Variants in CERS4 observed in about 807,000 individuals in gnomAD.
CERS4 encodes ceramide synthase 4, also known as LAG1 homolog, ceramide synthase 4.
CERS4 carries 65 observed loss-of-function variants against 51.8 expected under a neutral mutation model. The ratio of observed to expected loss-of-function variants is 1.26; its 90% CI spans 1.03 to 1.54. The LOEUF (loss-of-function observed/expected upper bound fraction) is 1.54. Ranked by LOEUF, CERS4 falls within the 40% of genes most tolerant of loss-of-function variation. The probability of loss-of-function intolerance (pLI) is 0.00; values close to 1 mark genes in which losing one functional copy is unlikely to be tolerated. For missense variants in CERS4, 563 were observed against 500.4 expected, an observed-to-expected ratio of 1.13 and a Z score of -1.19; for synonymous variants, 228 against 208.4, an observed-to-expected ratio of 1.09 and a Z score of -0.81.
In CERS4 at chr19:8,210,580, G is replaced by C. The variant is rs1402119427; in HGVS notation, c.-158-126G>C. 6.6e-6 allele frequency: 1 copy of C among 152,064 alleles called. No individual in the cohort carries two copies. The highest frequency in any genetic ancestry group is 1.5e-5 in the Non-Finnish European group (1 of 68,124). The allele number at this position is 152,064 out of a possible 1,614,324, so 9.4% of individuals were successfully genotyped here. ...CTCAGGCAAGGTCTCAGGCATCTGA[G>C]CGCAGAGGCCAGGGTGACCCCACTG... On this transcript the variant is annotated intron_variant, in intron 1 of 11. Coordinates refer to ENST00000251363, the MANE Select transcript of CERS4 (RefSeq NM_024552.3). This position sits in a 1 kb window ranked among gnomAD's most constrained non-coding sequence, Gnocchi z 4.2.
chr19:8,231,851 A>ATTTTTTTTTTTTTTTTTTTTT (rs3042169), intron 2 of CERS4, among the ~76,000 whole-genome samples: 14 of 104,402 alleles, frequency 1.3e-4, no homozygotes, highest in African/African-American at 2.9e-4. Context: ...TGTGCCCAGC[A>ATTTTTTTTTTTTTTTTTTTTT]TTTTTTTTTT....
chr19:8,252,716 G>C (rs1268560983), intron 3 of CERS4, among the ~76,000 whole-genome samples: 1 of 152,178 alleles, frequency 6.6e-6, no homozygotes, highest in Non-Finnish European at 1.5e-5. Flanking sequence ...TGGGATTACA[G>C]GCAAGTGACA....
At chr19:8,229,402 TTCTTCTTTCTTCTTTTTTC>T (rs1397593807) in intron 2 of CERS4, among the ~76,000 whole-genome samples, 1 of 97,124 alleles carries the variant, frequency 1.0e-5, no homozygotes, top group Non-Finnish European at 2.0e-5. Flanking sequence ...TTTTTTCTTC[TTCTTCTTTCTTCTTTTTTC>T]TTCTTCTTCT....
intron 2 of CERS4, among the ~76,000 whole-genome samples, chr19:8,232,515 C>A (rs749440864): frequency 6.6e-6 from 1 of 151,908 alleles, no homozygotes; most frequent in Non-Finnish European, 1.5e-5. Context: ...TGATCTCGAA[C>A]TCCCGACCTC....
chr19:8,211,018 C>T (rs745102), intron 2 of CERS4, among the ~76,000 whole-genome samples, 156 bp downstream of exon 2: 3,231 of 151,596 alleles, frequency 0.021, 147 homozygotes, highest in African/African-American at 0.075. Context: ...CGATGAAAGC[C>T]GAGGCTAGGC....
At chr19:8,215,720 G>A (rs969638574) in intron 2 of CERS4, among the ~76,000 whole-genome samples, 4 of 152,052 alleles carry the variant, frequency 2.6e-5, no homozygotes, top group Non-Finnish European at 4.4e-5. Flanking sequence ...ACTGTGACCC[G>A]GACTGTCCCC....
rs575993177 is a variant in CERS4, at chr19:8,217,758, C to T, written c.-2+6896C>T. On this transcript the variant is annotated intron_variant, in intron 2 of 11. Transcript: ENST00000251363. Reference sequence around the variant, plus strand: ...TTCACCCTGTTAGCCAGGATGGTCTCGATCTCCTGACCTCGTGATCCGCCC... The same window carrying T: ...TTCACCCTGTTAGCCAGGATGGTCTTGATCTCCTGACCTCGTGATCCGCCC... Among the ~76,000 whole-genome samples, 245 of 152,144 alleles carry T rather than the reference C, an allele frequency of 1.6e-3. 1 individual carries two copies. Among genetic ancestry groups the T allele is most frequent in the African/African-American group, 5.7e-3 (237 of 41,534 alleles).
chr19:8,260,483 G>A (rs1372905154), intron 10 of CERS4, among the ~76,000 whole-genome samples: 2 of 150,166 alleles, frequency 1.3e-5, no homozygotes, highest in African/African-American at 4.9e-5. Flanking sequence ...TGGGATTACA[G>A]GCGTGAGCCA....
At chr19:8,258,664 G>A (rs1429786876) in intron 10 of CERS4, among the ~76,000 whole-genome samples, 1 of 152,066 alleles carries the variant, frequency 6.6e-6, no homozygotes, top group South Asian at 2.1e-4. Context: ...CCAACATGGT[G>A]AAACCTTGTC....
chr19:8,228,751 T>C (rs1691315119), intron 2 of CERS4, among the ~76,000 whole-genome samples: 1 of 151,368 alleles, frequency 6.6e-6, no homozygotes, highest in South Asian at 2.1e-4. Flanking sequence ...AGGCCGATCA[T>C]GGTGGCTCAT....
At chr19:8,233,215 G>C (rs1968092962) in intron 2 of CERS4, among the ~76,000 whole-genome samples, 1 of 151,878 alleles carries the variant, frequency 6.6e-6, no homozygotes, top group South Asian at 2.1e-4. Context: ...ACCCAGGCTG[G>C]AGTGCAGTGC....
intron 2 of CERS4, among the ~76,000 whole-genome samples, chr19:8,222,982 G>A (rs1023076059): frequency 6.6e-6 from 1 of 152,122 alleles, no homozygotes; most frequent in African/African-American, 2.4e-5. Flanking sequence ...CCTGCTACCC[G>A]TTGTGTGTCA....
At chr19:8,233,195 T>G (rs1006299981) in intron 2 of CERS4, among the ~76,000 whole-genome samples, 1 of 151,932 alleles carries the variant, frequency 6.6e-6, no homozygotes, top group Admixed American at 6.6e-5. Context: ...GGGCGGAGTC[T>G]TGCTCTGTCA....
At position 8,256,964 on chromosome 19, in the gene CERS4, G is replaced by A. The variant is rs1038894051; in HGVS notation, c.628G>A (p.Val210Met). The change falls in exon 9 of 12, where the codon GTG becomes ATG. Residue 210 changes from valine to methionine, a missense_variant. Val to Met is a conservative substitution (Grantham distance 21). Coordinates refer to ENST00000251363, the MANE Select transcript of CERS4 (RefSeq NM_024552.3). ...TCTACTGCAGGATTTCAAGGAGCAG[G>A]TGATACACCACTTCGTGGCGGTCAT... ...DVKRKDFKEQ[V>M]IHHFVAVILM... The A allele has an allele frequency of 5.6e-6, 9 of 1,614,062 alleles. No individual in the cohort carries two copies. The highest frequency in any genetic ancestry group is 1.3e-5 in the African/African-American group (1 of 74,938).
chr19:8,234,500 A>G (rs1352707243), intron 2 of CERS4, among the ~76,000 whole-genome samples: 1 of 147,506 alleles, frequency 6.8e-6, no homozygotes, highest in Non-Finnish European at 1.5e-5. Context: ...TACCCATTCA[A>G]TTTTAACTCC....
chr19:8,255,942 G>A, intron 6 of CERS4, 63 bp downstream of exon 6: 2 of 1,555,730 alleles, frequency 1.3e-6, no homozygotes, highest in Middle Eastern at 3.4e-4. Context: ...AGATCTGGCA[G>A]GAGTGGGGGT....
Position 8,251,250 on chromosome 19 carries a change from G to A in CERS4, c.173+1G>A, listed in dbSNP as rs746149634. On this transcript the variant is annotated splice_donor_variant, in intron 3 of 11. Coordinates refer to ENST00000251363, the MANE Select transcript of CERS4 (RefSeq NM_024552.3). LOFTEE classifies it high-confidence loss of function. ...TGGCCATGCGCCTTGCCTTTGAGAG[G>A]TGAGTGTCTGCCCTGCCGCAATCCA... 6.3e-7 allele frequency: 1 copy of A among 1,596,170 alleles called. No individual in the cohort carries two copies. The highest frequency in any genetic ancestry group is 2.3e-5 in the East Asian group (1 of 44,390).
At chr19:8,253,872 G>A (rs961126165) in intron 3 of CERS4, among the ~76,000 whole-genome samples, 3 of 152,036 alleles carry the variant, frequency 2.0e-5, no homozygotes, top group African/African-American at 7.2e-5. Context: ...ACAGGCATGA[G>A]TCAGCTGCCT....
intron 3 of CERS4, among the ~76,000 whole-genome samples, chr19:8,252,069 A>AG (rs1969112794): frequency 6.6e-6 from 1 of 151,482 alleles, no homozygotes; most frequent in Non-Finnish European, 1.5e-5. Flanking sequence ...TCTATTAAAA[A>AG]AAAAAAAATA....
Sources: allele counts gnomAD v4.1 joint callset (sites outside exome capture counted in the v4.1 genomes callset), GRCh38; gene constraint gnomAD v4.1.1; non-coding constraint Gnocchi (gnomAD v3.1); transcripts MANE v1.5; gene names NCBI Gene and HGNC (gene_info 2026-07-23, HGNC 2026-07-21).